Variants in PARM1 observed in about 807,000 individuals in gnomAD.
PARM1 encodes WSC4, cell wall integrity and stress response component 4 homolog.
In PARM1, 14 loss-of-function variants were observed where a neutral mutation model predicts 24.6. That is an observed-to-expected ratio of 0.57 (90% CI 0.38 to 0.89). PARM1 has a LOEUF of 0.89. Among genes scored for constraint, PARM1 ranks in the 40% least tolerant of loss-of-function variants. The pLI, the probability that PARM1 is intolerant of heterozygous loss-of-function variation, is 0.00. For synonymous variants in PARM1, 179 were observed against 156.6 expected (o/e 1.14, Z -1.07); for missense variants, 362 against 380.4 (o/e 0.95, Z 0.40).
intron 1 of PARM1, among the ~76,000 whole-genome samples, chr4:74,933,687 T>G (rs1159330186): frequency 6.6e-6 from 1 of 152,216 alleles, no homozygotes. Context: ...AGGCTTCTCT[T>G]TCTTCACCAG....
chr4:74,993,115 A>T (rs1722510975), intron 1 of PARM1, among the ~76,000 whole-genome samples: 2 of 152,098 alleles, frequency 1.3e-5, no homozygotes, highest in Non-Finnish European at 2.9e-5. Context: ...CAGTTCTGAG[A>T]TTAGGTTATA....
At chr4:74,960,388 G>A (rs1310263656) in intron 1 of PARM1, among the ~76,000 whole-genome samples, 1 of 152,022 alleles carries the variant, frequency 6.6e-6, no homozygotes, top group African/African-American at 2.4e-5. Context: ...CCACATATAT[G>A]GGGGCATTTG....
At chr4:74,936,996 C>T (rs537828070) in intron 1 of PARM1, among the ~76,000 whole-genome samples, 7 of 152,252 alleles carry the variant, frequency 4.6e-5, no homozygotes, top group Non-Finnish European at 1.0e-4. Flanking sequence ...GTATTGGTCC[C>T]TTGGTGATTA....
At chr4:74,950,955 G>A (rs1027577650) in intron 1 of PARM1, among the ~76,000 whole-genome samples, 1 of 152,042 alleles carries the variant, frequency 6.6e-6, no homozygotes, top group African/African-American at 2.4e-5. Flanking sequence ...AAAAAGAAAA[G>A]GAACGGAGGA....
chr4:74,945,746 A>G (rs1721399800), intron 1 of PARM1, among the ~76,000 whole-genome samples: 1 of 152,236 alleles, frequency 6.6e-6, no homozygotes, highest in Non-Finnish European at 1.5e-5. Flanking sequence ...AAAGTGGCCA[A>G]CACAGATATC....
At chr4:75,004,267 T>G (rs1050347079) in intron 1 of PARM1, among the ~76,000 whole-genome samples, 11 of 152,232 alleles carry the variant, frequency 7.2e-5, no homozygotes, top group Admixed American at 7.2e-4. Flanking sequence ...TGCCAGGCAC[T>G]AAGACACAAA....
intron 1 of PARM1, among the ~76,000 whole-genome samples, chr4:74,959,226 A>G (rs537671145): frequency 6.6e-6 from 1 of 152,314 alleles, no homozygotes; most frequent in South Asian, 2.1e-4. Context: ...TCTGTGAAAG[A>G]TGTTAGAAAT....
intron 1 of PARM1, among the ~76,000 whole-genome samples, chr4:74,952,703 T>C (rs1721549974): frequency 6.6e-6 from 1 of 152,232 alleles, no homozygotes; most frequent in Non-Finnish European, 1.5e-5. Context: ...GTGTAAGTAT[T>C]ACTGGATATG....
rs767110864 is a variant in PARM1, at chr4:74,933,374, AT to A, written c.43+6del. 1.2e-6 allele frequency: 2 copies of A among 1,612,310 alleles called. No individual in the cohort carries two copies. The highest frequency in any genetic ancestry group is 4.5e-5 in the East Asian group (2 of 44,806). ...GCTCTTTGCATCTTAACTGCAGGTA[AT>A]TGGCGCCATCCTCCCGGAAGGGCAG... is the stretch of plus-strand genomic sequence containing the variant. On this transcript the variant is annotated splice_donor_5th_base_variant and intron_variant, in intron 1 of 3. Coordinates refer to ENST00000307428, the MANE Select transcript of PARM1 (RefSeq NM_015393.4).
At chr4:75,024,616 C>T (rs1433054256) in intron 2 of PARM1, among the ~76,000 whole-genome samples, 1 of 152,196 alleles carries the variant, frequency 6.6e-6, no homozygotes, top group African/African-American at 2.4e-5. Context: ...AGGATCTGAG[C>T]CTTCACCTTA....
At chr4:75,009,058 T>G (rs917079866) in intron 1 of PARM1, among the ~76,000 whole-genome samples, 1 of 152,188 alleles carries the variant, frequency 6.6e-6, no homozygotes, top group Non-Finnish European at 1.5e-5. Flanking sequence ...TTGTCCATAT[T>G]TCAAAGATTT....
chr4:74,999,742 T>C (rs1438122784), intron 1 of PARM1, among the ~76,000 whole-genome samples: 2 of 152,202 alleles, frequency 1.3e-5, no homozygotes, highest in African/African-American at 4.8e-5. Flanking sequence ...TGCTAGCTTA[T>C]ACCTCAAAGC....
chr4:75,014,062 C>T (rs1209491083), intron 2 of PARM1, among the ~76,000 whole-genome samples: 1 of 152,090 alleles, frequency 6.6e-6, no homozygotes, highest in Non-Finnish European at 1.5e-5. Flanking sequence ...CCTGGGTGGT[C>T]CTGTGAGAGG....
rs1283672074 is a variant in PARM1, at chr4:74,971,974, C to A, written c.43+38604C>A. On this transcript the variant is annotated intron_variant, in intron 1 of 3. Transcript: ENST00000307428. ...TCACAGCCACAAGCATAATAATTTT[C>A]TGTGACACATATTTTATTATTCATA... 7.2e-5 allele frequency among the ~76,000 whole-genome samples: 11 copies of A among 152,300 alleles called. No homozygotes were observed. The East Asian group carries it at 1.9e-3, about 27-fold the overall frequency.
chr4:74,934,015 A>T (rs1721124404), intron 1 of PARM1, among the ~76,000 whole-genome samples: 2 of 152,104 alleles, frequency 1.3e-5, no homozygotes, highest in Non-Finnish European at 2.9e-5. Context: ...ATCCCATAGA[A>T]GAAACTATTA....
chr4:74,969,783 G>C (rs915013299), intron 1 of PARM1: 1 of 152,216 alleles, frequency 6.6e-6, no homozygotes, highest in African/African-American at 2.4e-5. Flanking sequence ...TCTTCTGGGT[G>C]CTCTCAACAC....
rs1723687474 is a variant in PARM1 at position 75,049,951 on chromosome 4, G to A, written c.*3704G>A. ...TGATATTGGTAATAATGCTAACCAA[G>A]AGATCAATGCCAGATTTTTCTCTTG... On this transcript the variant is annotated 3_prime_UTR_variant, in exon 4 of 4. Transcript: ENST00000307428. 1 of 146,540 alleles carries A rather than the reference G, an allele frequency of 6.8e-6. No individual in the cohort carries two copies. The highest frequency in any genetic ancestry group is 1.5e-5 in the Non-Finnish European group (1 of 67,516). The allele number at this position is 146,540 out of a possible 1,614,324, so 9.1% of individuals were successfully genotyped here.
chr4:74,934,954 G>A (rs1721145242), intron 1 of PARM1, among the ~76,000 whole-genome samples: 1 of 148,994 alleles, frequency 6.7e-6, no homozygotes, highest in Non-Finnish European at 1.5e-5. Context: ...AACAAACAGT[G>A]TATTGTAGCT....
Position 75,013,085 on chromosome 4 carries a change from A to T in PARM1, c.704A>T (p.Asp235Val), listed in dbSNP as rs1231295295. Residue 235 changes from aspartate to valine, a missense_variant, in exon 2 of 4, where the codon GAC becomes GTC. Asp to Val is a radical substitution (Grantham distance 152, BLOSUM62 -3). Transcript: ENST00000307428. ...GGCAAAGTGATGTGTGAGCTCATAGACATGGAGACCACCACCACCTTTCCC... is the reference window on the plus strand; with the variant it reads ...GGCAAAGTGATGTGTGAGCTCATAGTCATGGAGACCACCACCACCTTTCCC... ...VSGKVMCELI[D>V]METTTTFPRV... The T allele has an allele frequency of 1.2e-6, 2 of 1,614,036 alleles. No homozygotes were observed. The highest frequency in any genetic ancestry group is 1.7e-6 in the Non-Finnish European group (2 of 1,179,894).
Sources: gnomAD v4.1 joint callset for allele counts (sites outside exome capture counted in the v4.1 genomes callset) on GRCh38, gnomAD v4.1.1 for gene constraint, MANE v1.5 for transcripts, NCBI Gene and HGNC (gene_info 2026-07-23, HGNC 2026-07-21) for gene names.